Variants in ELAVL2 observed in about 807,000 individuals in gnomAD.
ELAVL2 encodes ELAV like RNA binding protein 2.
A neutral mutation model predicts 34.6 loss-of-function variants in ELAVL2; 4 were observed. The observed-to-expected ratio is 0.12, with a 90% CI of 0.06 to 0.26. The LOEUF is 0.26. Ranked by LOEUF, ELAVL2 falls within the 10% of genes least tolerant of loss-of-function variation. The pLI is 1.00. For missense variants in ELAVL2, 432 were observed against 442.8 expected (o/e 0.98, Z 0.22); for synonymous variants, 193 against 154.8 (o/e 1.25, Z -1.83).
At chr9:23,757,239 A>G (rs2053783580) in intron 2 of ELAVL2, among the ~76,000 whole-genome samples, 1 of 152,168 alleles carries the variant, frequency 6.6e-6, no homozygotes, top group Non-Finnish European at 1.5e-5. Context: ...ACTCGCCAGA[A>G]GATGCCCTCT....
intron 1 of ELAVL2, among the ~76,000 whole-genome samples, chr9:23,779,980 A>T (rs1055114446): frequency 1.2e-3 from 3 of 2,548 alleles, no homozygotes; most frequent in East Asian, 0.038. Context: ...AGTGTTCCTT[A>T]AAAAAAAAAA....
At chr9:23,785,948 G>A (rs767266477) in intron 1 of ELAVL2, among the ~76,000 whole-genome samples, 8 of 152,156 alleles carry the variant, frequency 5.3e-5, no homozygotes, top group Non-Finnish European at 8.8e-5. Context: ...GGTACTTGAA[G>A]GTCACTATGA....
At position 23,797,868 on chromosome 9, in the gene ELAVL2, C is replaced by T. The variant is rs370148340; in HGVS notation, c.-16+27938G>A. Among the ~76,000 whole-genome samples, 29 of 151,500 alleles carry T rather than the reference C, an allele frequency of 1.9e-4. No homozygotes were observed. In the East Asian group the frequency reaches 1.9e-3, roughly 10 times the overall value. The stretch of plus-strand genomic sequence containing the variant: ...TCTTGAACCTGGGAAGCGGAGGTTG[C>T]GGTAAGCTGAAATCACGCCATTGCA... On this transcript the variant is annotated intron_variant, in intron 1 of 6. Transcript: ENST00000397312.
the ELAVL2 span, among the ~76,000 whole-genome samples, chr9:23,836,541 A>G: frequency 1.3e-5 from 2 of 152,188 alleles, no homozygotes; most frequent in Non-Finnish European, 2.9e-5. Flanking sequence ...AGGATACATG[A>G]AAGTTTGAGC....
chr9:23,752,517 G>A (rs2135623303), intron 2 of ELAVL2, among the ~76,000 whole-genome samples: 1 of 151,654 alleles, frequency 6.6e-6, no homozygotes, highest in South Asian at 2.1e-4. Context: ...CCAGGCTGGA[G>A]TGCAGTGGCT....
intron 1 of ELAVL2, among the ~76,000 whole-genome samples, chr9:23,778,661 T>C (rs1325315171): frequency 6.6e-6 from 1 of 152,074 alleles, no homozygotes; most frequent in Admixed American, 6.6e-5. Flanking sequence ...TCTACCATGA[T>C]GGAGAGGTTC....
At chr9:23,813,989 C>T (rs554634951) in intron 1 of ELAVL2, among the ~76,000 whole-genome samples, 2 of 152,132 alleles carry the variant, frequency 1.3e-5, no homozygotes, top group Non-Finnish European at 2.9e-5. Flanking sequence ...ATCCTTAAGG[C>T]GCAGTCGATA....
In ELAVL2 at chr9:23,804,053, G is replaced by A. The variant is rs116260579; in HGVS notation, c.-16+21753C>T. ...TAAAATGCTCTGAAAAGCCCAAGGGGGATCAGCTTTTGAAGTAATTAGTAA... is the reference window on the plus strand; with the variant it reads ...TAAAATGCTCTGAAAAGCCCAAGGGAGATCAGCTTTTGAAGTAATTAGTAA... On this transcript the variant is annotated intron_variant, in intron 1 of 6. Coordinates refer to ENST00000397312, the MANE Select transcript of ELAVL2 (RefSeq NM_004432.5). Among the ~76,000 whole-genome samples, 695 of 152,060 alleles carry A rather than the reference G, an allele frequency of 4.6e-3. 3 individuals are homozygous for A. Among genetic ancestry groups the A allele is most frequent in the African/African-American group, 0.016 (655 of 41,450 alleles).
In ELAVL2 at chr9:23,704,843, C is replaced by T. The variant is rs962065029; in HGVS notation, c.487+75G>A. On this transcript the variant is annotated intron_variant, in intron 4 of 6. Coordinates refer to ENST00000397312, the MANE Select transcript of ELAVL2 (RefSeq NM_004432.5). ...ATATGTTCTAGAAGCAAGACTGCTA[C>T]ATGGAAAGACAGAATATTTCACAAT... is the stretch of plus-strand genomic sequence containing the variant. The T allele has an allele frequency of 1.0e-5, 16 of 1,570,722 alleles. No individual in the cohort carries two copies. In the East Asian group the frequency reaches 1.8e-4, roughly 18 times the overall value.
At chr9:23,841,525 C>A in the ELAVL2 span, among the ~76,000 whole-genome samples, 1 of 151,882 alleles carries the variant, frequency 6.6e-6, no homozygotes, top group African/African-American at 2.4e-5. Context: ...TACCTAAGGG[C>A]TCATTGAGAC....
chr9:23,702,223 T>C (rs1415683264), intron 4 of ELAVL2, among the ~76,000 whole-genome samples: 2 of 152,206 alleles, frequency 1.3e-5, no homozygotes, highest in Admixed American at 1.3e-4. Flanking sequence ...TGCTTCTGAC[T>C]AGCTATATTT....
chr9:23,849,488 T>A, the ELAVL2 span: 1 of 152,254 alleles, frequency 6.6e-6, no homozygotes. Flanking sequence ...TAGCTGAGGA[T>A]GACCCCATTG....
At chr9:23,737,129 A>G (rs2048084855) in intron 2 of ELAVL2, among the ~76,000 whole-genome samples, 3 of 152,138 alleles carry the variant, frequency 2.0e-5, no homozygotes, top group Admixed American at 2.0e-4. Context: ...CCCTCACTAG[A>G]CTGCTGAGCA....
intron 2 of ELAVL2, among the ~76,000 whole-genome samples, chr9:23,747,659 G>A (rs978067675): frequency 6.6e-6 from 1 of 152,146 alleles, no homozygotes; most frequent in Non-Finnish European, 1.5e-5. Context: ...TGCAAAGTAG[G>A]CAGTGGGGAT....
intron 3 of ELAVL2, among the ~76,000 whole-genome samples, chr9:23,714,547 A>C (rs528293830): frequency 2.6e-5 from 4 of 152,332 alleles, no homozygotes; most frequent in South Asian, 4.1e-4. Flanking sequence ...TTAAGGCCCC[A>C]AAATTTTATT....
At chr9:23,761,217 G>C (rs2054913791) in intron 2 of ELAVL2, among the ~76,000 whole-genome samples, 1 of 152,056 alleles carries the variant, frequency 6.6e-6, no homozygotes, top group African/African-American at 2.4e-5. Context: ...AAAGTCCACA[G>C]AGTCTGTCTA....
At chr9:23,773,760 T>TAA (rs533825851) in intron 1 of ELAVL2, among the ~76,000 whole-genome samples, 77 of 152,236 alleles carry the variant, frequency 5.1e-4, no homozygotes, top group African/African-American at 1.8e-3. Flanking sequence ...AAAGAGCAGG[T>TAA]AAAGGGGTCT....
intron 2 of ELAVL2, among the ~76,000 whole-genome samples, chr9:23,757,765 T>C (rs1431102038): frequency 6.6e-6 from 1 of 151,998 alleles, no homozygotes; most frequent in Non-Finnish European, 1.5e-5. Flanking sequence ...ACATAATAAA[T>C]AGAACTTAGT....
chr9:23,796,867 A>G (rs974321721), intron 1 of ELAVL2, among the ~76,000 whole-genome samples: 7 of 152,248 alleles, frequency 4.6e-5, no homozygotes. Context: ...TACTAGAGAA[A>G]ATAGATTCTG....
Sources: gnomAD v4.1 joint callset for allele counts (sites outside exome capture counted in the v4.1 genomes callset) on GRCh38, gnomAD v4.1.1 for gene constraint, MANE v1.5 for transcripts, NCBI Gene and HGNC (gene_info 2026-07-23, HGNC 2026-07-21) for gene names.